PCLO: variants seen among roughly 807,000 people sequenced by gnomAD.
The protein encoded by PCLO is piccolo presynaptic cytomatrix protein.
Under a neutral mutation model 427.5 loss-of-function variants are expected in PCLO, and 82 were observed. The ratio of observed to expected loss-of-function variants is 0.19; its 90% CI spans 0.16 to 0.23. The LOEUF (loss-of-function observed/expected upper bound fraction) is 0.23. Ranked by LOEUF, PCLO falls within the 10% of genes least tolerant of loss-of-function variation. The pLI, the probability that PCLO is intolerant of heterozygous loss-of-function variation, is 1.00. For missense variants in PCLO, 6,239 were observed against 6,115.9 expected (o/e 1.02, Z -0.67); for synonymous variants, 2,357 against 2,155.4 (o/e 1.09, Z -2.59).
Position 82,861,768 on chromosome 7 carries a change from C to A in PCLO, c.13655-14521G>T, listed in dbSNP as rs549452762. ...TTTAAAACATTCAAATAATGGAAAT[C>A]ACCAAGTATTTTCTCTTACTACAAT... On this transcript the variant is annotated intron_variant, in intron 10 of 24. Transcript: ENST00000333891. Among the ~76,000 whole-genome samples the A allele has an allele frequency of 7.2e-5, 11 of 151,994 alleles. No homozygotes were observed. In the East Asian group the frequency reaches 1.9e-3, roughly 27 times the overall value.
chr7:83,006,928 C>T (rs555953930), intron 3 of PCLO, among the ~76,000 whole-genome samples: 2 of 151,510 alleles, frequency 1.3e-5, no homozygotes, highest in South Asian at 4.1e-4. Context: ...ATGCTTTTTA[C>T]CTTTTCCTTA....
intron 9 of PCLO, among the ~76,000 whole-genome samples, chr7:82,894,181 T>A (rs193171379): frequency 2.4e-4 from 37 of 152,138 alleles, no homozygotes; most frequent in Admixed American, 2.3e-3. Context: ...TTCTCCCAAA[T>A]AATGAATTGT....
intron 22 of PCLO, among the ~76,000 whole-genome samples, chr7:82,768,306 C>T (rs1291690343): frequency 6.6e-6 from 1 of 151,880 alleles, no homozygotes; most frequent in East Asian, 1.9e-4. Flanking sequence ...GCCTGTAATC[C>T]CAGCTCCTCG....
chr7:82,952,994 G>GAAATGA lies in PCLO; in HGVS notation c.7958_7959insTCATTT (p.Val2653_Thr2654insHisPhe). ...CTGCTTGAAATGAAGAGGGTGCTGT[G>GAAATGA]ACAGGGGTAGCAGAAAATGTCTGTA... On this transcript the variant is annotated inframe_insertion, in exon 5 of 25. Coordinates refer to ENST00000333891, the MANE Select transcript of PCLO (RefSeq NM_033026.6). 6.2e-7 allele frequency: 1 copy of GAAATGA among 1,613,908 alleles called. No individual in the cohort carries two copies. The highest frequency in any genetic ancestry group is 1.1e-5 in the South Asian group (1 of 91,086).
chr7:82,942,004 C>A lies in PCLO; in HGVS notation c.11112+7472G>T, dbSNP rs572105259. On this transcript the variant is annotated intron_variant, in intron 6 of 24. Transcript: ENST00000333891. ...GACTAGCCTGGCCAACATGGTGAAA[C>A]CCTATCTCTACTAAAAATACAAAAA... 2.9e-4 allele frequency among the ~76,000 whole-genome samples: 44 copies of A among 152,196 alleles called. 2 individuals carry two copies. The South Asian group carries it at 8.5e-3, about 29-fold the overall frequency.
chr7:82,861,344 G>A (rs1234228628), intron 10 of PCLO, among the ~76,000 whole-genome samples: 1 of 151,826 alleles, frequency 6.6e-6, no homozygotes, highest in African/African-American at 2.4e-5. Flanking sequence ...TCAAGTACAT[G>A]GAGTTATTAC....
intron 3 of PCLO, among the ~76,000 whole-genome samples, chr7:83,099,998 A>C (rs1312701200): frequency 2.6e-5 from 4 of 152,176 alleles, no homozygotes; most frequent in African/African-American, 7.2e-5. Flanking sequence ...ATTATATTAA[A>C]TAATGTTTGC....
At chr7:82,939,049 C>A (rs1230237453) in intron 6 of PCLO, among the ~76,000 whole-genome samples, 1 of 152,034 alleles carries the variant, frequency 6.6e-6, no homozygotes, top group Non-Finnish European at 1.5e-5. Context: ...CCGAATGTTG[C>A]AATACTGTCT....
chr7:82,985,036 G>A (rs1306338438), intron 3 of PCLO, among the ~76,000 whole-genome samples: 2 of 151,916 alleles, frequency 1.3e-5, no homozygotes, highest in African/African-American at 4.8e-5. Context: ...AAACTGGAAT[G>A]TTTTCTTATA....
chr7:82,945,386 G>A (rs1039335663), intron 6 of PCLO, among the ~76,000 whole-genome samples: 5 of 149,966 alleles, frequency 3.3e-5, no homozygotes, highest in East Asian at 1.9e-4. Context: ...TTTATGGGTC[G>A]AATTTTGTCT....
At chr7:83,079,028 CAG>C (rs1443698278) in intron 3 of PCLO, among the ~76,000 whole-genome samples, 1 of 152,056 alleles carries the variant, frequency 6.6e-6, no homozygotes, top group Non-Finnish European at 1.5e-5. Context: ...AGCAAGATAG[CAG>C]AGACAAGGTT....
chr7:83,162,307 A>G, intron 1 of PCLO, 38 bp downstream of exon 1: 1 of 1,559,364 alleles, frequency 6.4e-7, no homozygotes, highest in Non-Finnish European at 8.7e-7. Context: ...GGGAAGCTGT[A>G]CATATATGCC....
At chr7:83,015,075 T>G (rs1418675228) in intron 3 of PCLO, among the ~76,000 whole-genome samples, 1 of 152,098 alleles carries the variant, frequency 6.6e-6, no homozygotes, top group Non-Finnish European at 1.5e-5. Flanking sequence ...GAGGTAACAT[T>G]ATTATTCAAG....
chr7:83,042,329 A>C (rs1157638717), intron 3 of PCLO, among the ~76,000 whole-genome samples: 1 of 152,202 alleles, frequency 6.6e-6, no homozygotes, highest in African/African-American at 2.4e-5. Context: ...CTCTGCATTG[A>C]TAAATATATA....
chr7:82,792,347 G>A (rs879727561), intron 22 of PCLO, among the ~76,000 whole-genome samples: 1 of 84,284 alleles, frequency 1.2e-5, no homozygotes, highest in East Asian at 3.5e-4. Flanking sequence ...TTTTTTTTTT[G>A]ACAAGGTCTC....
intron 6 of PCLO, among the ~76,000 whole-genome samples, chr7:82,919,989 G>A (rs1794559510): frequency 6.6e-6 from 1 of 151,768 alleles, no homozygotes; most frequent in South Asian, 2.1e-4. Flanking sequence ...CTATGTTTTA[G>A]GACTGGTTAG....
rs1790274545 is a variant in PCLO, at chr7:82,754,363, A to G, written c.*4212T>C. ...TCAAGTACTTTAGTTTTTATTTCAA[A>G]ATCAGTTTTATTAAGATGTTTATGT... is the stretch of plus-strand genomic sequence containing the variant. On this transcript the variant is annotated 3_prime_UTR_variant, in exon 25 of 25. Transcript: ENST00000333891. 1 of 152,094 alleles carries G rather than the reference A, an allele frequency of 6.6e-6. No homozygotes were observed. Among genetic ancestry groups the G allele is most frequent in the African/African-American group, 2.4e-5 (1 of 41,446 alleles). 9.4% of individuals were successfully genotyped at this position (152,094 alleles called of 1,614,324 possible).
chr7:82,971,205 C>T (rs1008378967), intron 3 of PCLO, among the ~76,000 whole-genome samples: 3 of 151,780 alleles, frequency 2.0e-5, no homozygotes, highest in Non-Finnish European at 4.4e-5. Context: ...TACGTAACAA[C>T]TCAATGTATC....
chr7:82,897,154 TG>T, intron 9 of PCLO, among the ~76,000 whole-genome samples: 1 of 151,784 alleles, frequency 6.6e-6, no homozygotes, highest in African/African-American at 2.4e-5. Context: ...CTTACAATTA[TG>T]AGATACATGG....
Sources: allele counts gnomAD v4.1 joint callset (sites outside exome capture counted in the v4.1 genomes callset), GRCh38; gene constraint gnomAD v4.1.1; transcripts MANE v1.5; gene names NCBI Gene and HGNC (gene_info 2026-07-23, HGNC 2026-07-21).